SLCO2A1: variants seen among roughly 807,000 people sequenced by gnomAD.
SLCO2A1 encodes matrin F/G 1.
SLCO2A1 carries 60 observed loss-of-function variants against 71.7 expected under a neutral mutation model. The observed-to-expected ratio is 0.84, with a 90% confidence interval of 0.68 to 1.04. The LOEUF (loss-of-function observed/expected upper bound fraction) is 1.04. SLCO2A1 is among the 50% of genes least tolerant of loss of function. SLCO2A1 has a pLI of 0.00. For synonymous variants in SLCO2A1, 308 were observed against 326.7 expected (o/e 0.94, Z 0.62); for missense variants, 745 against 813.4 (o/e 0.92, Z 1.02).
intron 11 of SLCO2A1, among the ~76,000 whole-genome samples, chr3:133,940,541 G>T (rs953970989): frequency 1.3e-5 from 2 of 152,168 alleles, no homozygotes; most frequent in Non-Finnish European, 2.9e-5. Flanking sequence ...CTGCTGCATA[G>T]CGACTTGCCA....
Position 133,935,722 on chromosome 3 carries a change from A to G in SLCO2A1, c.1814+52T>C, listed in dbSNP as rs966242382. The G allele has an allele frequency of 2.0e-6, 3 of 1,502,550 alleles. No homozygotes were observed. The East Asian group carries it at 7.0e-5, about 35-fold the overall frequency. 93.1% of individuals were successfully genotyped at this position (1,502,550 alleles called of 1,614,324 possible). A position where few individuals can be genotyped will look rare whatever the true frequency, so the allele number is the denominator to read the frequency against. On this transcript the variant is annotated intron_variant, in intron 13 of 13. Transcript: ENST00000310926. ...AGCCACTGGGCATATGACTACTGTCATCTCAAGCCCAGGGCCTGGCTCTGG... is the reference window on the plus strand; with the variant it reads ...AGCCACTGGGCATATGACTACTGTCGTCTCAAGCCCAGGGCCTGGCTCTGG...
chr3:134,006,836 C>G (rs1226554410), intron 1 of SLCO2A1, among the ~76,000 whole-genome samples: 1 of 152,092 alleles, frequency 6.6e-6, no homozygotes, highest in Non-Finnish European at 1.5e-5. Context: ...TGGATATATA[C>G]CCAGAAGCAA....
rs186607926 is a variant in SLCO2A1, at chr3:134,021,629, G to C, written c.96+8078C>G. On this transcript the variant is annotated intron_variant, in intron 1 of 13. Transcript: ENST00000310926. The stretch of plus-strand genomic sequence containing the variant: ...AAAGAGAGAGGAAGAGACAGACAAA[G>C]AGGGAGTCAAGGAGAGAGAGAGAGA... Among the ~76,000 whole-genome samples the C allele has an allele frequency of 2.9e-3, 437 of 151,926 alleles. 3 individuals are homozygous for C. In the South Asian group the frequency reaches 0.033, roughly 12 times the overall value.
intron 1 of SLCO2A1, among the ~76,000 whole-genome samples, chr3:134,024,361 C>T (rs149237454): frequency 0.015 from 2,273 of 152,310 alleles, 34 homozygotes; most frequent in Middle Eastern, 0.02. Context: ...CAAATAGCTG[C>T]AGGATTTGAG....
intron 1 of SLCO2A1, among the ~76,000 whole-genome samples, chr3:134,025,659 T>TA (rs898748087): frequency 1.6e-4 from 24 of 147,496 alleles, no homozygotes; most frequent in African/African-American, 3.0e-4. Context: ...GCCACTTCGA[T>TA]AAAAAAAAAA....
At chr3:133,992,551 C>T (rs1218397175) in intron 1 of SLCO2A1, among the ~76,000 whole-genome samples, 5 of 152,250 alleles carry the variant, frequency 3.3e-5, no homozygotes, top group Non-Finnish European at 7.3e-5. Context: ...ACTTACATTC[C>T]TGTTTTCCGG....
intron 9 of SLCO2A1, 130 bp downstream of exon 9, chr3:133,947,124 ACT>A: frequency 1.4e-6 from 1 of 734,802 alleles, no homozygotes; most frequent in Non-Finnish European, 2.2e-6. Context: ...ACGGAGCGAG[ACT>A]CTGTCTCAAA....
chr3:134,029,262 C>T (rs968431065), intron 1 of SLCO2A1, among the ~76,000 whole-genome samples: 1 of 152,084 alleles, frequency 6.6e-6, no homozygotes, highest in Non-Finnish European at 1.5e-5. Flanking sequence ...CACAGTCTGT[C>T]CCCCAAAGCG....
At chr3:133,981,994 AC>A (rs1252652339) in intron 1 of SLCO2A1, among the ~76,000 whole-genome samples, 1,889 of 137,844 alleles carry the variant, frequency 0.014, 64 homozygotes, top group East Asian at 0.12. Flanking sequence ...AAAAAAAAAA[AC>A]AAAACAAGAA....
chr3:133,993,443 A>G (rs1309625585), intron 1 of SLCO2A1, among the ~76,000 whole-genome samples: 1 of 152,250 alleles, frequency 6.6e-6, no homozygotes, highest in Non-Finnish European at 1.5e-5. Flanking sequence ...GCCCCATGGC[A>G]GGGGGCCAAG....
chr3:133,949,476 CT>C (rs1324934540), intron 6 of SLCO2A1, among the ~76,000 whole-genome samples: 1 of 152,182 alleles, frequency 6.6e-6, no homozygotes, highest in Non-Finnish European at 1.5e-5. Context: ...TGTCCTAAAC[CT>C]TTACCTGCAC....
intron 1 of SLCO2A1, among the ~76,000 whole-genome samples, chr3:133,990,188 A>G (rs996685539): frequency 2.0e-5 from 3 of 152,186 alleles, no homozygotes; most frequent in African/African-American, 2.4e-5. Context: ...GTCTTCCTCC[A>G]TTCTATTTTA....
chr3:133,951,734 C>T (rs1245996282), intron 5 of SLCO2A1, among the ~76,000 whole-genome samples: 3 of 152,206 alleles, frequency 2.0e-5, no homozygotes, highest in South Asian at 2.1e-4. Context: ...AGTCTGCCCA[C>T]CTCTCACCAG....
chr3:133,990,174 A>T (rs1934808484), intron 1 of SLCO2A1, among the ~76,000 whole-genome samples: 1 of 152,254 alleles, frequency 6.6e-6, no homozygotes. Flanking sequence ...GCAGTTGACC[A>T]TCTGTCTTCC....
intron 1 of SLCO2A1, among the ~76,000 whole-genome samples, chr3:134,018,722 T>C (rs1935511826): frequency 6.6e-6 from 1 of 152,194 alleles, no homozygotes; most frequent in African/African-American, 2.4e-5. Flanking sequence ...CAGAACTTCC[T>C]GAAGCCGCCA....
chr3:133,982,262 T>A (rs10048959), intron 1 of SLCO2A1, among the ~76,000 whole-genome samples: 1,925 of 152,210 alleles, frequency 0.013, 22 homozygotes, highest in Non-Finnish European at 0.02. Flanking sequence ...CCTTGCCAGA[T>A]CTTCCTCCTC....
chr3:133,953,335 C>A (rs1384885574), intron 5 of SLCO2A1, among the ~76,000 whole-genome samples: 1 of 152,238 alleles, frequency 6.6e-6, no homozygotes, highest in Non-Finnish European at 1.5e-5. Flanking sequence ...CCGCACCCAG[C>A]CCATAGAAAT....
At chr3:133,943,583 AGATTTTTTTTCTTTATAATTTACT>A (rs1295431903) in intron 10 of SLCO2A1, among the ~76,000 whole-genome samples, 8 of 152,288 alleles carry the variant, frequency 5.3e-5, no homozygotes, top group Non-Finnish European at 7.4e-5. Flanking sequence ...GATTTTTTAG[AGATTTTTTTTCTTTATAATTTACT>A]GATTTTTTTT....
At chr3:134,027,698 G>A (rs1355633919) in intron 1 of SLCO2A1, among the ~76,000 whole-genome samples, 1 of 152,144 alleles carries the variant, frequency 6.6e-6, no homozygotes, top group African/African-American at 2.4e-5. Flanking sequence ...ACTGCAAAGT[G>A]GCAGGGCTAT....
Sources: gnomAD v4.1 joint callset for allele counts (sites outside exome capture counted in the v4.1 genomes callset) on GRCh38, gnomAD v4.1.1 for gene constraint, MANE v1.5 for transcripts, NCBI Gene and HGNC (gene_info 2026-07-23, HGNC 2026-07-21) for gene names.